Variants in PKP4 observed in about 807,000 individuals in gnomAD.
PKP4 encodes the protein plakophilin 4, also known as plakophilin-4.
Under a neutral mutation model 145.1 loss-of-function variants are expected in PKP4, and 90 were observed. The observed-to-expected ratio is 0.62, with a 90% CI of 0.52 to 0.74. The LOEUF is 0.74. PKP4 is among the 30% of genes least tolerant of loss of function. The pLI, the probability that PKP4 is intolerant of heterozygous loss-of-function variation, is 0.00. For missense variants in PKP4, 1,340 were observed against 1,482.7 expected (o/e 0.90, Z 1.58); for synonymous variants, 563 against 577.2 (o/e 0.98, Z 0.35).
chr2:158,634,780 T>G (rs1226687402), intron 9 of PKP4, among the ~76,000 whole-genome samples: 1 of 152,236 alleles, frequency 6.6e-6, no homozygotes, highest in Non-Finnish European at 1.5e-5. Context: ...GAAAACAATT[T>G]GTGACATTTA....
At chr2:158,501,267 A>G (rs1333819608) in intron 1 of PKP4, among the ~76,000 whole-genome samples, 1 of 152,220 alleles carries the variant, frequency 6.6e-6, no homozygotes, top group Non-Finnish European at 1.5e-5. Context: ...TCACTTAACA[A>G]AAACAAAACA....
chr2:158,496,907 AT>A (rs1211061424), intron 1 of PKP4, among the ~76,000 whole-genome samples: 5 of 152,112 alleles, frequency 3.3e-5, no homozygotes, highest in Admixed American at 2.6e-4. Context: ...GTAAAAAGAC[AT>A]TTAGGTTCCT....
At chr2:158,645,663 T>A (rs1352971544) in intron 11 of PKP4, among the ~76,000 whole-genome samples, 3 of 152,214 alleles carry the variant, frequency 2.0e-5, no homozygotes, top group Non-Finnish European at 2.9e-5. Flanking sequence ...AGATTCATCA[T>A]GACTCGATCC....
chr2:158,542,994 A>C (rs542073593), intron 2 of PKP4, among the ~76,000 whole-genome samples: 1 of 152,256 alleles, frequency 6.6e-6, no homozygotes. Context: ...TAGATTTTCT[A>C]TGTTCCTTAT....
intron 7 of PKP4, among the ~76,000 whole-genome samples, chr2:158,629,208 T>G (rs141779978): frequency 6.6e-6 from 1 of 152,190 alleles, no homozygotes; most frequent in Non-Finnish European, 1.5e-5. Context: ...GGCCCCCTCC[T>G]TGGTGTGCTT....
At chr2:158,493,123 CCTT>C (rs1160808614) in intron 1 of PKP4, among the ~76,000 whole-genome samples, 1 of 152,076 alleles carries the variant, frequency 6.6e-6, no homozygotes, top group East Asian at 1.9e-4. Context: ...ATACTCATCT[CCTT>C]ATTTCTAAAT....
At chr2:158,497,047 A>G (rs1695848638) in intron 1 of PKP4, among the ~76,000 whole-genome samples, 1 of 152,128 alleles carries the variant, frequency 6.6e-6, no homozygotes, top group South Asian at 2.1e-4. Context: ...ATTTGGTATT[A>G]TACAGGTGTG....
intron 3 of PKP4, among the ~76,000 whole-genome samples, chr2:158,578,735 A>G (rs990935230): frequency 2.0e-5 from 3 of 152,200 alleles, no homozygotes; most frequent in African/African-American, 4.8e-5. Context: ...TATTCTGGCA[A>G]TATTACTAAC....
At chr2:158,533,847 AT>A (rs552129333) in intron 2 of PKP4, among the ~76,000 whole-genome samples, 2 of 152,082 alleles carry the variant, frequency 1.3e-5, no homozygotes, top group South Asian at 2.1e-4. Context: ...GTTTATGTTG[AT>A]TTTTTTAAGG....
At chr2:158,581,573 A>G (rs982197420) in intron 3 of PKP4, among the ~76,000 whole-genome samples, 7 of 152,236 alleles carry the variant, frequency 4.6e-5, no homozygotes, top group Non-Finnish European at 8.8e-5. Context: ...TACCTGTTTA[A>G]TGACGCTTAT....
intron 3 of PKP4, among the ~76,000 whole-genome samples, chr2:158,587,261 A>G (rs1169574037): frequency 6.6e-6 from 1 of 152,126 alleles, no homozygotes; most frequent in Non-Finnish European, 1.5e-5. Context: ...TACATCTAAA[A>G]TATGTATATC....
At chr2:158,467,911 AT>A (rs940918441) in intron 1 of PKP4, among the ~76,000 whole-genome samples, 11 of 152,054 alleles carry the variant, frequency 7.2e-5, no homozygotes, top group Non-Finnish European at 1.3e-4. Flanking sequence ...GATTTGGGAT[AT>A]TTTTTCCCAT....
chr2:158,576,796 A>AT (rs1036227851), intron 2 of PKP4, among the ~76,000 whole-genome samples: 9 of 123,892 alleles, frequency 7.3e-5, no homozygotes, highest in East Asian at 2.4e-4. Flanking sequence ...CATTGGAATC[A>AT]TTTTTTTTCT....
intron 2 of PKP4, among the ~76,000 whole-genome samples, chr2:158,555,807 G>GT (rs2046038835): frequency 4.6e-5 from 7 of 152,080 alleles, no homozygotes; most frequent in Admixed American, 3.9e-4. Flanking sequence ...ACATAAACTG[G>GT]TTTTTTCTTC....
chr2:158,520,811 G>T (rs1044215870), intron 1 of PKP4, among the ~76,000 whole-genome samples: 1 of 152,082 alleles, frequency 6.6e-6, no homozygotes, highest in African/African-American at 2.4e-5. Context: ...TTTGCCTATT[G>T]TTGAAGTTTA....
chr2:158,500,892 A>G (rs1331130890), intron 1 of PKP4, among the ~76,000 whole-genome samples: 1 of 152,212 alleles, frequency 6.6e-6, no homozygotes, highest in Non-Finnish European at 1.5e-5. Flanking sequence ...AGGGGCAGGA[A>G]AGACCCAGAA....
intron 2 of PKP4, among the ~76,000 whole-genome samples, chr2:158,541,462 A>T (rs569247152): frequency 8.3e-4 from 126 of 152,266 alleles, no homozygotes; most frequent in South Asian, 3.1e-3. Flanking sequence ...AGCTTATAGA[A>T]TCTTAAGAGT....
chr2:158,620,157 TGC>T (rs2052064166), intron 4 of PKP4, among the ~76,000 whole-genome samples: 1 of 152,106 alleles, frequency 6.6e-6, no homozygotes, highest in Non-Finnish European at 1.5e-5. Flanking sequence ...AAGGGTTAAA[TGC>T]AAGGAAGGAA....
rs2058046050 is a variant in PKP4, at chr2:158,676,731, C to T, written c.3128-8C>T. On this transcript the variant is annotated splice_polypyrimidine_tract_variant and splice_region_variant and intron_variant, in intron 19 of 21. Coordinates refer to ENST00000389759, the MANE Select transcript of PKP4 (RefSeq NM_003628.6). ...CCTCTTTCTCTCCTCCTTTGCCTCT[C>T]CCTTCAGTCGGCAGCACCTCTTCCT... 1 of 1,614,036 alleles carries T rather than the reference C, an allele frequency of 6.2e-7. No homozygotes were observed. The highest frequency in any genetic ancestry group is 1.7e-5 in the Admixed American group (1 of 60,002).
Sources: gnomAD v4.1 joint callset for allele counts (sites outside exome capture counted in the v4.1 genomes callset) on GRCh38, gnomAD v4.1.1 for gene constraint, MANE v1.5 for transcripts, NCBI Gene and HGNC (gene_info 2026-07-23, HGNC 2026-07-21) for gene names.